The following ATP6V1A variants were observed in gnomAD, a reference collection of about 807,000 sequenced individuals.
ATP6V1A encodes the protein ATPase H+ transporting V1 subunit A.
Under a neutral mutation model 70.1 loss-of-function variants are expected in ATP6V1A, and 18 were observed. That is an observed-to-expected ratio of 0.26 (90% CI 0.18 to 0.38). The LOEUF is 0.38. Ranked by LOEUF, ATP6V1A falls within the 10% of genes least tolerant of loss-of-function variation. The probability of loss-of-function intolerance (pLI) is 1.00; values close to 1 mark genes in which losing one functional copy is unlikely to be tolerated. For synonymous variants in ATP6V1A, 232 were observed against 253.8 expected, an observed-to-expected ratio of 0.91 and a Z score of 0.82; for missense variants, 424 against 772.4, an observed-to-expected ratio of 0.55 and a Z score of 5.35.
chr3:113,789,210 G>C (rs187243839), intron 7 of ATP6V1A, among the ~76,000 whole-genome samples: 10 of 152,140 alleles, frequency 6.6e-5, no homozygotes, highest in East Asian at 1.9e-4. Context: ...ACCACGCCCA[G>C]CTGATTTTGT....
At chr3:113,758,238 C>T (rs753912171) in intron 1 of ATP6V1A, among the ~76,000 whole-genome samples, 1 of 152,132 alleles carries the variant, frequency 6.6e-6, no homozygotes, top group Non-Finnish European at 1.5e-5. Flanking sequence ...AGGAGTCATG[C>T]TGGCAATAAC....
intron 5 of ATP6V1A, 58 bp from the exon 6 acceptor site, chr3:113,786,174 T>C: frequency 6.7e-7 from 1 of 1,487,842 alleles, no homozygotes; most frequent in South Asian, 1.3e-5. Flanking sequence ...TACTTTGATT[T>C]TGAAGGAAGA....
chr3:113,783,988 A>C (rs1336197922), intron 3 of ATP6V1A, among the ~76,000 whole-genome samples: 1 of 152,250 alleles, frequency 6.6e-6, no homozygotes, highest in African/African-American at 2.4e-5. Flanking sequence ...GTTAGGACGT[A>C]TATACATATT....
At chr3:113,768,160 C>T (rs948427113) in intron 1 of ATP6V1A, among the ~76,000 whole-genome samples, 1 of 152,052 alleles carries the variant, frequency 6.6e-6, no homozygotes, top group Non-Finnish European at 1.5e-5. Context: ...TAATTTTATT[C>T]CAATAAGAAT....
intron 1 of ATP6V1A, among the ~76,000 whole-genome samples, chr3:113,761,008 A>G (rs908046292): frequency 3.3e-5 from 5 of 152,004 alleles, no homozygotes; most frequent in African/African-American, 1.2e-4. Flanking sequence ...GGGAGGTTGC[A>G]GTGAGCCTAA....
At chr3:113,795,576 C>T (rs1228838478) in intron 10 of ATP6V1A, among the ~76,000 whole-genome samples, 3 of 151,782 alleles carry the variant, frequency 2.0e-5, no homozygotes, top group Non-Finnish European at 4.4e-5. Flanking sequence ...GCGTTTCCTC[C>T]TTGCTTCATC....
rs567591759 is a variant in ATP6V1A, at chr3:113,765,530, G to A, written c.-13-13211G>A. ...GAGGCAGGAAGAGTAGCTTAAATCC[G>A]GGAGGTGGAGGTTGCAGTGAACTGA... On this transcript the variant is annotated intron_variant, in intron 1 of 14. Coordinates refer to ENST00000273398, the MANE Select transcript of ATP6V1A (RefSeq NM_001690.4). Among the ~76,000 whole-genome samples the A allele has an allele frequency of 2.5e-4, 38 of 152,008 alleles. 1 individual carries two copies. The South Asian group carries it at 6.4e-3, about 26-fold the overall frequency.
At chr3:113,774,915 C>T (rs560699406) in intron 1 of ATP6V1A, among the ~76,000 whole-genome samples, 3 of 151,578 alleles carry the variant, frequency 2.0e-5, no homozygotes, top group Admixed American at 6.6e-5. Context: ...TTTATTTGTA[C>T]TATTTAAAAG....
intron 8 of ATP6V1A, among the ~76,000 whole-genome samples, chr3:113,792,484 T>C (rs760456358): frequency 6.6e-6 from 1 of 152,108 alleles, no homozygotes; most frequent in African/African-American, 2.4e-5. Context: ...GCTACAGACA[T>C]GAGCCACCAT....
intron 1 of ATP6V1A, among the ~76,000 whole-genome samples, chr3:113,756,379 A>G (rs1175271533): frequency 6.6e-6 from 1 of 152,248 alleles, no homozygotes; most frequent in African/African-American, 2.4e-5. Context: ...TGGACTAGCC[A>G]TGTCAAAGGT....
At chr3:113,775,584 G>T (rs746260177) in intron 1 of ATP6V1A, among the ~76,000 whole-genome samples, 1 of 152,140 alleles carries the variant, frequency 6.6e-6, no homozygotes, top group Non-Finnish European at 1.5e-5. Flanking sequence ...TGGGTAGGTG[G>T]TAGCATTATT....
At chr3:113,800,150 T>C (rs944187634) in intron 12 of ATP6V1A, among the ~76,000 whole-genome samples, 1 of 151,196 alleles carries the variant, frequency 6.6e-6, no homozygotes. Context: ...GAGAACTGCT[T>C]GAACCTGGGA....
intron 1 of ATP6V1A, among the ~76,000 whole-genome samples, chr3:113,766,607 C>T (rs933264448): frequency 6.6e-6 from 1 of 152,114 alleles, no homozygotes; most frequent in Non-Finnish European, 1.5e-5. Flanking sequence ...GAGATCATCT[C>T]TAGAGGGGCA....
At chr3:113,789,313 G>T (rs1709068624) in intron 7 of ATP6V1A, among the ~76,000 whole-genome samples, 1 of 152,136 alleles carries the variant, frequency 6.6e-6, no homozygotes, top group African/African-American at 2.4e-5. Flanking sequence ...CTCCCAAATT[G>T]CTGGGATTAT....
Position 113,811,255 on chromosome 3 carries a change from G to C in ATP6V1A, c.*1828G>C, listed in dbSNP as rs1043515934. 3 of 152,224 alleles carry C rather than the reference G, an allele frequency of 2.0e-5. No homozygotes were observed. The highest frequency in any genetic ancestry group is 7.2e-5 in the African/African-American group (3 of 41,402). The allele number at this position is 152,224 out of a possible 1,614,324, so 9.4% of individuals were successfully genotyped here. On this transcript the variant is annotated 3_prime_UTR_variant, in exon 15 of 15. Transcript: ENST00000273398. ...ATTTTTTAGGTAATGCCTATCTCTT[G>C]GTCTATTAAGGAAAGAAGCAATCAG...
At chr3:113,748,603 G>A (rs1024233581) in intron 1 of ATP6V1A, among the ~76,000 whole-genome samples, 1 of 152,130 alleles carries the variant, frequency 6.6e-6, no homozygotes, top group African/African-American at 2.4e-5. Context: ...GTCTTATTTT[G>A]TTAAGGAGAA....
At chr3:113,780,942 T>C (rs1170412385) in intron 2 of ATP6V1A, 108 bp from the exon 3 acceptor site, 2 of 1,419,342 alleles carry the variant, frequency 1.4e-6, no homozygotes, top group Non-Finnish European at 1.9e-6. Context: ...TTCTTATGAA[T>C]ATATGAGAGA....
At chr3:113,784,884 T>G (rs1225421466) in intron 5 of ATP6V1A, 51 bp downstream of exon 5, 2 of 1,569,132 alleles carry the variant, frequency 1.3e-6, no homozygotes, top group Non-Finnish European at 1.7e-6. Flanking sequence ...TTCTATATGA[T>G]AGCTGCCCAG....
intron 1 of ATP6V1A, among the ~76,000 whole-genome samples, chr3:113,748,914 C>G (rs1310696680): frequency 6.6e-6 from 1 of 151,996 alleles, no homozygotes; most frequent in East Asian, 1.9e-4. Flanking sequence ...TCCTTGATCT[C>G]TAGAGGAGAG....
Sources: allele counts gnomAD v4.1 joint callset (sites outside exome capture counted in the v4.1 genomes callset), GRCh38; gene constraint gnomAD v4.1.1; transcripts MANE v1.5; gene names NCBI Gene and HGNC (gene_info 2026-07-23, HGNC 2026-07-21).